Variants in UGT1A8 observed in about 807,000 individuals in gnomAD.
UGT1A8 encodes the protein UDP-glucuronosyltransferase 1A8.
Under a neutral mutation model 45.3 loss-of-function variants are expected in UGT1A8, and 39 were observed. That is an observed-to-expected ratio of 0.86 (90% CI 0.67 to 1.12). The LOEUF (loss-of-function observed/expected upper bound fraction) is 1.12, where lower values mean the gene tolerates loss of function less well. Ranked by LOEUF, UGT1A8 falls within the 50% of genes most tolerant of loss-of-function variation. UGT1A8 has a pLI of 0.00. For synonymous variants in UGT1A8, 275 were observed against 249.2 expected, an observed-to-expected ratio of 1.10 and a Z score of -0.97; for missense variants, 719 against 664.9, an observed-to-expected ratio of 1.08 and a Z score of -0.90.
chr2:233,730,335 A>G (rs923497245), intron 1 of UGT1A8, among the ~76,000 whole-genome samples: 1 of 152,192 alleles, frequency 6.6e-6, no homozygotes, highest in Non-Finnish European at 1.5e-5. Flanking sequence ...CTACGTTTGG[A>G]ACTGATCCAT....
intron 1 of UGT1A8, among the ~76,000 whole-genome samples, chr2:233,694,916 G>A (rs1410139642): frequency 2.0e-5 from 3 of 152,208 alleles, no homozygotes; most frequent in African/African-American, 4.8e-5. Context: ...CGTATACAAT[G>A]TGCGATGATC....
chr2:233,745,788 G>T (rs1003270220), intron 1 of UGT1A8, among the ~76,000 whole-genome samples: 2 of 150,764 alleles, frequency 1.3e-5, no homozygotes, highest in African/African-American at 4.9e-5. Flanking sequence ...AGACAGGGGG[G>T]CTGGGGTCTA....
chr2:233,668,629 A>G (rs970182922), intron 1 of UGT1A8, among the ~76,000 whole-genome samples: 1 of 152,250 alleles, frequency 6.6e-6, no homozygotes, highest in Admixed American at 6.5e-5. Context: ...AGGAATTGCC[A>G]CACTGTCTTC....
At chr2:233,719,828 G>A in intron 1 of UGT1A8, 1 of 1,554,886 alleles carries the variant, frequency 6.4e-7, no homozygotes, top group Non-Finnish European at 8.7e-7. Flanking sequence ...AACTGTTGAG[G>A]GGCCTAGTGT....
At chr2:233,657,565 C>T (rs1299837071) in intron 1 of UGT1A8, among the ~76,000 whole-genome samples, 1 of 152,172 alleles carries the variant, frequency 6.6e-6, no homozygotes, top group East Asian at 1.9e-4. Context: ...GTGAGAGATC[C>T]ATCCCTGTAA....
At chr2:233,638,925 T>G (rs1009396691) in intron 1 of UGT1A8, among the ~76,000 whole-genome samples, 3 of 152,066 alleles carry the variant, frequency 2.0e-5, no homozygotes, top group Non-Finnish European at 4.4e-5. Context: ...CTCTAAGAGG[T>G]TGGACTTATC....
chr2:233,672,766 C>A, intron 1 of UGT1A8: 1 of 1,613,786 alleles, frequency 6.2e-7, no homozygotes, highest in Non-Finnish European at 8.5e-7. Flanking sequence ...TATCAACTGC[C>A]ATCAGGGAAA....
chr2:233,724,232 C>T (rs1575550946), intron 1 of UGT1A8, among the ~76,000 whole-genome samples: 6 of 120,552 alleles, frequency 5.0e-5, no homozygotes, highest in South Asian at 3.2e-4. Flanking sequence ...CCAGTAGGGG[C>T]GGCCGGGCAG....
At chr2:233,622,216 C>T (rs754493662) in intron 1 of UGT1A8, among the ~76,000 whole-genome samples, 4 of 151,996 alleles carry the variant, frequency 2.6e-5, no homozygotes, top group African/African-American at 9.7e-5. Context: ...TTTATAGTAC[C>T]ATGATTTATA....
chr2:233,619,641 C>A (rs1234965051), intron 1 of UGT1A8, among the ~76,000 whole-genome samples: 1 of 152,080 alleles, frequency 6.6e-6, no homozygotes, highest in Non-Finnish European at 1.5e-5. Flanking sequence ...TATTCCTTGG[C>A]ATTTTATGAT....
Position 233,630,455 on chromosome 2 carries a change from A to G in UGT1A8, c.855+11893A>G, listed in dbSNP as rs1011328806. Among the ~76,000 whole-genome samples the G allele has an allele frequency of 3.9e-5, 6 of 152,270 alleles. No individual in the cohort carries two copies. The East Asian group carries it at 1.2e-3, about 29-fold the overall frequency. ...GCAGAATATAATTCTGTCCAGTGCAACAAATATTCTGGTTGATTTTCTTTG... is the reference window on the plus strand; with the variant it reads ...GCAGAATATAATTCTGTCCAGTGCAGCAAATATTCTGGTTGATTTTCTTTG... On this transcript the variant is annotated intron_variant, in intron 1 of 4. Transcript: ENST00000373450.
intron 1 of UGT1A8, chr2:233,681,938 A>C (rs1005355336): frequency 3.7e-6 from 6 of 1,611,742 alleles, no homozygotes; most frequent in Admixed American, 1.7e-5. Context: ...AAGTTCTCTG[A>C]TGGCTCGTGC....
intron 1 of UGT1A8, among the ~76,000 whole-genome samples, chr2:233,730,257 A>C (rs1190299662): frequency 6.6e-6 from 1 of 152,082 alleles, no homozygotes; most frequent in Non-Finnish European, 1.5e-5. Flanking sequence ...ACTCATAGAG[A>C]CTGTTGGTTT....
At chr2:233,767,365 A>C (rs559747453) in intron 2 of UGT1A8, among the ~76,000 whole-genome samples, 200 bp downstream of exon 2, 45 of 152,316 alleles carry the variant, frequency 3.0e-4, no homozygotes, top group Non-Finnish European at 4.4e-4. Flanking sequence ...ATACTCTATT[A>C]AACTATGATC....
chr2:233,761,145 A>T, intron 1 of UGT1A8: 4 of 1,614,244 alleles, frequency 2.5e-6, no homozygotes, highest in Non-Finnish European at 3.4e-6. Flanking sequence ...AAAATCCACT[A>T]TCCCAGGTGT....
chr2:233,661,775 T>G (rs1160641105), intron 1 of UGT1A8, among the ~76,000 whole-genome samples: 1 of 151,368 alleles, frequency 6.6e-6, no homozygotes, highest in African/African-American at 2.4e-5. Context: ...TATCAAGCAA[T>G]TCAACTTTTC....
chr2:233,718,135 A>C, intron 1 of UGT1A8: 1 of 229,592 alleles, frequency 4.4e-6, no homozygotes, highest in Non-Finnish European at 9.1e-6. Flanking sequence ...GTAGATGGAG[A>C]ATCCTCAATA....
chr2:233,714,925 G>A (rs1358582665), intron 1 of UGT1A8, among the ~76,000 whole-genome samples: 5 of 152,094 alleles, frequency 3.3e-5, no homozygotes, highest in African/African-American at 1.2e-4. Flanking sequence ...CACCCAGTCT[G>A]GAGTGCAGTG....
At position 233,769,031 on chromosome 2, in the gene UGT1A8, T is replaced by A. The variant is rs1307617494; in HGVS notation, c.1295+592T>A. ...CAATTTACATAAAAAGTTGCCATAA[T>A]AGACATCTGATCCATAAGTTTCCTG... On this transcript the variant is annotated intron_variant, in intron 4 of 4. Transcript: ENST00000373450. The surrounding 1 kb of genome is among the most constrained non-coding windows in gnomAD (Gnocchi z 4.4). 6.6e-6 allele frequency among the ~76,000 whole-genome samples: 1 copy of A among 152,206 alleles called. No individual in the cohort carries two copies. The highest frequency in any genetic ancestry group is 1.5e-5 in the Non-Finnish European group (1 of 68,040).
Sources: allele counts gnomAD v4.1 joint callset (sites outside exome capture counted in the v4.1 genomes callset), GRCh38; gene constraint gnomAD v4.1.1; non-coding constraint Gnocchi (gnomAD v3.1); transcripts MANE v1.5; gene names NCBI Gene and HGNC (gene_info 2026-07-23, HGNC 2026-07-21).